Variants in FOXJ3 observed in about 807,000 individuals in gnomAD.
The protein encoded by FOXJ3 is forkhead box protein J3.
FOXJ3 carries 22 observed loss-of-function variants against 76.1 expected under a neutral mutation model. The observed-to-expected ratio is 0.29, with a 90% CI of 0.21 to 0.41. The LOEUF (loss-of-function observed/expected upper bound fraction) is 0.41, where lower values mean the gene tolerates loss of function less well. Among genes scored for constraint, FOXJ3 ranks in the 10% least tolerant of loss-of-function variants. The pLI, the probability that FOXJ3 is intolerant of heterozygous loss-of-function variation, is 1.00. For synonymous variants in FOXJ3, 269 were observed against 261.2 expected, an observed-to-expected ratio of 1.03 and a Z score of -0.29; for missense variants, 613 against 762.1, an observed-to-expected ratio of 0.80 and a Z score of 2.30.
chr1:42,263,297 A>T (rs1318596770), intron 4 of FOXJ3, among the ~76,000 whole-genome samples: 1 of 152,030 alleles, frequency 6.6e-6, no homozygotes, highest in Non-Finnish European at 1.5e-5. Context: ...CTGATTTTTA[A>T]TTTTTTTTAA....
chr1:42,224,515 T>C (rs540360143), intron 5 of FOXJ3, among the ~76,000 whole-genome samples: 104 of 151,802 alleles, frequency 6.9e-4, no homozygotes, highest in African/African-American at 2.5e-3. Context: ...TAGTTGGGCG[T>C]GGTGGTGAAC....
chr1:42,208,345 A>C (rs1372325584), intron 5 of FOXJ3, among the ~76,000 whole-genome samples: 3 of 152,240 alleles, frequency 2.0e-5, no homozygotes, highest in Non-Finnish European at 4.4e-5. Flanking sequence ...CACCATGATC[A>C]AGTGGGATTT....
At chr1:42,196,373 G>A (rs575791924) in intron 7 of FOXJ3, among the ~76,000 whole-genome samples, 6 of 152,112 alleles carry the variant, frequency 3.9e-5, no homozygotes, top group Non-Finnish European at 7.4e-5. Flanking sequence ...GGGACCGCTC[G>A]ACCATTTGAC....
At chr1:42,324,077 A>ACAG (rs1655600598) in intron 1 of FOXJ3, among the ~76,000 whole-genome samples, 1 of 136,274 alleles carries the variant, frequency 7.3e-6, no homozygotes, top group Non-Finnish European at 1.6e-5. Context: ...CAGTGTATAT[A>ACAG]TAGTATATAT....
chr1:42,309,860 G>T (rs1654699411), intron 2 of FOXJ3, among the ~76,000 whole-genome samples: 1 of 152,226 alleles, frequency 6.6e-6, no homozygotes, highest in Non-Finnish European at 1.5e-5. Flanking sequence ...CCAGCAAAAA[G>T]AAGTCATATG....
At chr1:42,181,621 C>T (rs1323227474) in intron 12 of FOXJ3, among the ~76,000 whole-genome samples, 2 of 152,240 alleles carry the variant, frequency 1.3e-5, no homozygotes, top group African/African-American at 4.8e-5. Flanking sequence ...CCAACTGATG[C>T]TTGAATCCCT....
At chr1:42,216,753 A>G (rs1234516938) in intron 5 of FOXJ3, among the ~76,000 whole-genome samples, 2 of 152,238 alleles carry the variant, frequency 1.3e-5, no homozygotes, top group Non-Finnish European at 2.9e-5. Context: ...ATGTACACTG[A>G]AATTCCTAGA....
At chr1:42,212,014 G>A (rs1273225676) in intron 5 of FOXJ3, among the ~76,000 whole-genome samples, 1 of 152,222 alleles carries the variant, frequency 6.6e-6, no homozygotes, top group Non-Finnish European at 1.5e-5. Flanking sequence ...AGCACTTTGG[G>A]AGGCAAAGGT....
intron 1 of FOXJ3, among the ~76,000 whole-genome samples, chr1:42,327,523 C>T (rs1235731972): frequency 6.6e-6 from 1 of 152,172 alleles, no homozygotes; most frequent in Non-Finnish European, 1.5e-5. Flanking sequence ...TGATAACCTA[C>T]TTCCATCATA....
intron 2 of FOXJ3, among the ~76,000 whole-genome samples, chr1:42,296,981 T>C (rs144198945): frequency 5.3e-5 from 8 of 152,316 alleles, no homozygotes; most frequent in African/African-American, 9.6e-5. Flanking sequence ...ATTTCTTCCA[T>C]TGGTGTTATA....
At chr1:42,266,422 A>C (rs916520702) in intron 3 of FOXJ3, among the ~76,000 whole-genome samples, 2 of 152,162 alleles carry the variant, frequency 1.3e-5, no homozygotes, top group Non-Finnish European at 2.9e-5. Context: ...TTGCAAGGCA[A>C]CCAAACCACA....
intron 2 of FOXJ3, among the ~76,000 whole-genome samples, chr1:42,286,657 G>A (rs143081723): frequency 0.028 from 4,314 of 151,974 alleles, 216 homozygotes; most frequent in African/African-American, 0.097. Flanking sequence ...TTTTTGAGAC[G>A]GAGTTTCACT....
intron 2 of FOXJ3, among the ~76,000 whole-genome samples, chr1:42,306,448 G>A (rs1435409038): frequency 1.3e-5 from 2 of 151,786 alleles, no homozygotes; most frequent in Non-Finnish European, 2.9e-5. Context: ...GACTACAGGC[G>A]AGTGCCACCA....
intron 1 of FOXJ3, among the ~76,000 whole-genome samples, chr1:42,324,354 A>G (rs1246113305): frequency 1.2e-5 from 1 of 80,562 alleles, no homozygotes; most frequent in Admixed American, 1.8e-4. Flanking sequence ...TACTATACAT[A>G]ACATATATAC....
intron 4 of FOXJ3, among the ~76,000 whole-genome samples, chr1:42,260,410 T>A (rs1045746878): frequency 6.6e-5 from 10 of 151,918 alleles, no homozygotes; most frequent in Non-Finnish European, 1.5e-4. Flanking sequence ...TAGAAAAAAA[T>A]TCATAATTTG....
intron 5 of FOXJ3, among the ~76,000 whole-genome samples, chr1:42,208,448 A>G (rs766852480): frequency 6.6e-6 from 1 of 152,250 alleles, no homozygotes; most frequent in Non-Finnish European, 1.5e-5. Context: ...ATGAAGGATC[A>G]TCCCAAAGAT....
At chr1:42,281,017 A>G (rs527399892) in intron 2 of FOXJ3, among the ~76,000 whole-genome samples, 1 of 152,314 alleles carries the variant, frequency 6.6e-6, no homozygotes, top group African/African-American at 2.4e-5. Context: ...AAAGCATATT[A>G]CAAATTGGAA....
rs894449241 is a variant in FOXJ3 at position 42,278,925 on chromosome 1, A to G, written c.45-253T>C. On this transcript the variant is annotated intron_variant, in intron 2 of 12. Coordinates refer to ENST00000361346, the MANE Select transcript of FOXJ3 (RefSeq NM_014947.5). ...TTGTTTAAAATACAGAATATAGACA[A>G]ACAAAGTGGTTCCGATGCCAATCTT... Among the ~76,000 whole-genome samples, 118 of 152,196 alleles carry G rather than the reference A, an allele frequency of 7.8e-4. 1 individual carries two copies. The highest frequency in any genetic ancestry group is 7.7e-3 in the Admixed American group (117 of 15,276).
chr1:42,330,081 T>C (rs1472969541), intron 1 of FOXJ3, among the ~76,000 whole-genome samples: 1 of 152,184 alleles, frequency 6.6e-6, no homozygotes, highest in Non-Finnish European at 1.5e-5. Context: ...ACTTATAAAA[T>C]CTACGATATA....
Sources: gnomAD v4.1 joint callset for allele counts (sites outside exome capture counted in the v4.1 genomes callset) on GRCh38, gnomAD v4.1.1 for gene constraint, MANE v1.5 for transcripts, NCBI Gene and HGNC (gene_info 2026-07-23, HGNC 2026-07-21) for gene names.